EPHA4: variants seen among roughly 807,000 people sequenced by gnomAD.
EPHA4 encodes the protein ephrin type-A receptor 4.
A neutral mutation model predicts 108.3 loss-of-function variants in EPHA4; 19 were observed. The observed-to-expected ratio is 0.18, with a 90% CI of 0.12 to 0.26. The LOEUF (loss-of-function observed/expected upper bound fraction) is 0.26. EPHA4 is among the 10% of genes least tolerant of loss of function. EPHA4 has a pLI of 1.00. For synonymous variants in EPHA4, 449 were observed against 455.5 expected (o/e 0.99, Z 0.18); for missense variants, 917 against 1,254.0 (o/e 0.73, Z 4.06).
intron 5 of EPHA4, among the ~76,000 whole-genome samples, chr2:221,460,404 C>A (rs1161706424): frequency 6.6e-6 from 1 of 152,144 alleles, no homozygotes; most frequent in Non-Finnish European, 1.5e-5. Flanking sequence ...ATACATAGAT[C>A]TAATTCACAA....
chr2:221,567,306 T>C (rs1228144536), intron 2 of EPHA4, among the ~76,000 whole-genome samples: 1 of 152,200 alleles, frequency 6.6e-6, no homozygotes, highest in African/African-American at 2.4e-5. Flanking sequence ...CCCTGGTACA[T>C]GTAGCCTGGG....
rs1261355406 is a variant in EPHA4, at chr2:221,436,471, C to A, written c.2274G>T (p.Leu758Phe). The part of the protein sequence containing the change: ...AARNILVNSN[L>F]VCKVSDFGMS... ...TGCCAAAATCAGACACTTTGCAGAC[C>A]AAGTTGCTGTTCACCAGGATGTTCC... The change falls in exon 13 of 18, where the codon TTG (leucine) becomes TTT (phenylalanine). Residue 758 changes from leucine (L) to phenylalanine (F), a missense_variant. By Grantham distance (22) the Leu-to-Phe change is conservative. Coordinates refer to ENST00000281821, the MANE Select transcript of EPHA4 (RefSeq NM_004438.5). 4.3e-6 allele frequency: 7 copies of A among 1,614,030 alleles called. No homozygotes were observed. The highest frequency in any genetic ancestry group is 5.9e-6 in the Non-Finnish European group (7 of 1,180,040).
intron 3 of EPHA4, among the ~76,000 whole-genome samples, chr2:221,513,089 C>T (rs1458491044): frequency 6.6e-6 from 1 of 152,060 alleles, no homozygotes; most frequent in Non-Finnish European, 1.5e-5. Flanking sequence ...CTGGCTTCAC[C>T]CAGAAGAAGC....
At chr2:221,483,254 A>T (rs551715331) in intron 4 of EPHA4, among the ~76,000 whole-genome samples, 1 of 152,256 alleles carries the variant, frequency 6.6e-6, no homozygotes, top group East Asian at 1.9e-4. Context: ...GGTTGCAGAG[A>T]TGTTGAAGAT....
intron 10 of EPHA4, 143 bp from the exon 11 acceptor site, chr2:221,443,157 A>G: frequency 1.2e-6 from 1 of 837,398 alleles, no homozygotes; most frequent in East Asian, 2.6e-5. Context: ...TCCTCCATGC[A>G]ACCCTGAAGT....
intron 3 of EPHA4, among the ~76,000 whole-genome samples, chr2:221,559,435 G>A (rs1485785886): frequency 1.3e-5 from 2 of 152,100 alleles, no homozygotes; most frequent in Non-Finnish European, 2.9e-5. Context: ...TTTTGGCTGG[G>A]TGAGGTGGCT....
chr2:221,487,655 A>G (rs1692017934), intron 4 of EPHA4, among the ~76,000 whole-genome samples: 1 of 152,184 alleles, frequency 6.6e-6, no homozygotes, highest in Non-Finnish European at 1.5e-5. Context: ...GTACAAAAGT[A>G]ATGGTGGTTT....
intron 3 of EPHA4, among the ~76,000 whole-genome samples, chr2:221,558,513 A>G (rs1304380704): frequency 2.0e-5 from 3 of 152,156 alleles, no homozygotes; most frequent in Admixed American, 6.5e-5. Context: ...TTTGCACAGC[A>G]GTAACTGAAA....
intron 3 of EPHA4, among the ~76,000 whole-genome samples, chr2:221,504,540 TA>T (rs1478387372): frequency 0.017 from 1 of 58 alleles, no homozygotes; most frequent in African/African-American, 0.083. Context: ...TTGAAAATTT[TA>T]TATATATATA....
At chr2:221,488,543 C>T (rs1198448544) in intron 4 of EPHA4, among the ~76,000 whole-genome samples, 1 of 152,182 alleles carries the variant, frequency 6.6e-6, no homozygotes, top group Non-Finnish European at 1.5e-5. Flanking sequence ...GTGTGAAATA[C>T]TTTCTGCATC....
At chr2:221,531,580 A>G (rs1292935584) in intron 3 of EPHA4, among the ~76,000 whole-genome samples, 3 of 151,900 alleles carry the variant, frequency 2.0e-5, no homozygotes, top group African/African-American at 7.3e-5. Context: ...AAATAAGCAC[A>G]CTTCTTTTTC....
At chr2:221,438,067 A>G (rs1444557820) in intron 11 of EPHA4, among the ~76,000 whole-genome samples, 1 of 152,210 alleles carries the variant, frequency 6.6e-6, no homozygotes, top group Non-Finnish European at 1.5e-5. Context: ...CTCAAAAAAC[A>G]AACAAACAAA....
chr2:221,536,763 G>A (rs1020021380), intron 3 of EPHA4, among the ~76,000 whole-genome samples: 9 of 152,204 alleles, frequency 5.9e-5, no homozygotes, highest in African/African-American at 2.2e-4. Flanking sequence ...TGAAGGCTTG[G>A]TCAGTGGCCA....
chr2:221,572,353 G>T, upstream of EPHA4: 1 of 1,033,546 alleles, frequency 9.7e-7, no homozygotes, highest in Non-Finnish European at 1.4e-6. Flanking sequence ...GGCGGGCCCG[G>T]CCGGTGACGT....
chr2:221,536,158 C>A (rs943633267), intron 3 of EPHA4, among the ~76,000 whole-genome samples: 2 of 152,212 alleles, frequency 1.3e-5, no homozygotes, highest in African/African-American at 4.8e-5. Context: ...CATTTTGACA[C>A]TTAAGAGCTA....
At chr2:221,426,675 A>G (rs1689922642) in intron 15 of EPHA4, 56 bp from the exon 16 acceptor site, 1 of 1,514,890 alleles carries the variant, frequency 6.6e-7, no homozygotes, top group East Asian at 2.3e-5. Flanking sequence ...AGACAAGAAG[A>G]CTCAGAAATC....
chr2:221,521,059 C>G (rs753220200), intron 3 of EPHA4, among the ~76,000 whole-genome samples: 7 of 152,256 alleles, frequency 4.6e-5, no homozygotes, highest in East Asian at 1.9e-4. Flanking sequence ...TTTGAAGAAA[C>G]AGAAATTATG....
intron 5 of EPHA4, among the ~76,000 whole-genome samples, chr2:221,469,922 G>T (rs1351278159): frequency 1.3e-5 from 2 of 152,140 alleles, no homozygotes; most frequent in Non-Finnish European, 2.9e-5. Context: ...CACGTGAGCT[G>T]CTCCAAAACA....
At chr2:221,554,062 C>T (rs1694237927) in intron 3 of EPHA4, among the ~76,000 whole-genome samples, 1 of 152,146 alleles carries the variant, frequency 6.6e-6, no homozygotes, top group African/African-American at 2.4e-5. Flanking sequence ...GTAAGATCAC[C>T]TTTGAGAAGT....
Sources: allele counts gnomAD v4.1 joint callset (sites outside exome capture counted in the v4.1 genomes callset), GRCh38; gene constraint gnomAD v4.1.1; transcripts MANE v1.5; gene names NCBI Gene and HGNC (gene_info 2026-07-23, HGNC 2026-07-21).